The following PCDHA9 variants were observed in gnomAD, a reference collection of about 807,000 sequenced individuals.
PCDHA9 encodes protocadherin alpha 9, also known as protocadherin alpha-9.
Under a neutral mutation model 62.0 loss-of-function variants are expected in PCDHA9, and 62 were observed. The ratio of observed to expected loss-of-function variants is 1.00; its 90% CI spans 0.81 to 1.23. The LOEUF is 1.23. Among genes scored for constraint, PCDHA9 ranks in the 50% most tolerant of loss-of-function variants. The pLI, the probability that PCDHA9 is intolerant of heterozygous loss-of-function variation, is 0.00. For synonymous variants in PCDHA9, 557 were observed against 567.6 expected, an observed-to-expected ratio of 0.98 and a Z score of 0.27; for missense variants, 1,205 against 1,249.8, an observed-to-expected ratio of 0.96 and a Z score of 0.54.
chr5:140,914,427 T>C (rs2076707638), intron 1 of PCDHA9, among the ~76,000 whole-genome samples: 1 of 152,196 alleles, frequency 6.6e-6, no homozygotes, highest in African/African-American at 2.4e-5. Context: ...TAGCAAGGAA[T>C]ATCTTTTCCC....
At chr5:140,918,155 A>T (rs1453787502) in intron 1 of PCDHA9, among the ~76,000 whole-genome samples, 1 of 152,054 alleles carries the variant, frequency 6.6e-6, no homozygotes, top group Admixed American at 6.5e-5. Flanking sequence ...GTGTATGTCT[A>T]TTGTAAATGG....
intron 1 of PCDHA9, chr5:140,884,465 G>C (rs782791774): frequency 1.2e-6 from 2 of 1,613,634 alleles, no homozygotes; most frequent in Admixed American, 3.3e-5. Context: ...GGGCGCGTGC[G>C]CGCCGGGCAA....
intron 1 of PCDHA9, among the ~76,000 whole-genome samples, chr5:140,969,768 T>G (rs1250957386): frequency 1.3e-5 from 2 of 152,198 alleles, no homozygotes; most frequent in Admixed American, 1.3e-4. Context: ...CTCTGAGGCC[T>G]CTAGGGGCTA....
intron 1 of PCDHA9, chr5:140,857,941 T>C (rs1294613928): frequency 6.3e-7 from 1 of 1,597,330 alleles, no homozygotes; most frequent in Non-Finnish European, 8.6e-7. Flanking sequence ...GCGAGATCAG[T>C]ACGACGCGCG....
intron 1 of PCDHA9, among the ~76,000 whole-genome samples, chr5:140,895,298 C>A (rs1208960325): frequency 6.6e-6 from 1 of 151,928 alleles, no homozygotes; most frequent in Non-Finnish European, 1.5e-5. Context: ...CCTTCGATTT[C>A]CCCCCTTCCA....
At chr5:140,912,882 T>A (rs2153523481) in intron 1 of PCDHA9, among the ~76,000 whole-genome samples, 1 of 152,362 alleles carries the variant, frequency 6.6e-6, no homozygotes, top group South Asian at 2.1e-4. Context: ...TTGGTCTTCA[T>A]TCTGTTGATA....
intron 1 of PCDHA9, chr5:140,882,360 T>A: frequency 6.2e-7 from 1 of 1,614,134 alleles, no homozygotes. Context: ...AGTGGCCAGC[T>A]CCACTACTCC....
intron 3 of PCDHA9, among the ~76,000 whole-genome samples, chr5:141,005,688 C>T (rs1411519222): frequency 2.8e-5 from 3 of 107,694 alleles, no homozygotes; most frequent in African/African-American, 7.9e-5. Context: ...GGCGACAGAG[C>T]GAAACTCCGT....
At chr5:140,969,702 C>A (rs1305755991) in intron 1 of PCDHA9, among the ~76,000 whole-genome samples, 1 of 152,144 alleles carries the variant, frequency 6.6e-6, no homozygotes, top group African/African-American at 2.4e-5. Context: ...TCTGCTGTAT[C>A]ATCTACAGGG....
In PCDHA9 at chr5:140,848,481, GAC is replaced by G; in HGVS notation, c.-14_-13del. 6.4e-7 allele frequency: 1 copy of G among 1,570,506 alleles called. No individual in the cohort carries two copies. The highest frequency in any genetic ancestry group is 2.2e-5 in the East Asian group (1 of 44,662). On this transcript the variant is annotated 5_prime_UTR_variant, in exon 1 of 4. Coordinates refer to ENST00000532602, the MANE Select transcript of PCDHA9 (RefSeq NM_031857.2). The stretch of plus-strand genomic sequence containing the variant: ...AGGCAATTTTCACTAATTAGAAGAA[GAC>G]TGAGTATTTGAAATGTTATACTCAA...
chr5:140,949,521 T>C (rs2094388357), intron 1 of PCDHA9, among the ~76,000 whole-genome samples: 1 of 151,932 alleles, frequency 6.6e-6, no homozygotes, highest in East Asian at 1.9e-4. Flanking sequence ...TTGATCCTTT[T>C]ATCTTCATAA....
chr5:140,998,942 T>C (rs1435302179), intron 3 of PCDHA9, among the ~76,000 whole-genome samples: 4 of 152,222 alleles, frequency 2.6e-5, no homozygotes, highest in Non-Finnish European at 5.9e-5. Flanking sequence ...ATGAAGAAAC[T>C]GTAAGTCAAT....
At chr5:140,979,243 C>T (rs1554240401) in intron 2 of PCDHA9, among the ~76,000 whole-genome samples, 1 of 152,178 alleles carries the variant, frequency 6.6e-6, no homozygotes, top group Non-Finnish European at 1.5e-5. Context: ...CAGAAACAGG[C>T]TGCTATGTAT....
chr5:141,009,019 C>G (rs1160022658), intron 3 of PCDHA9, among the ~76,000 whole-genome samples: 2 of 152,232 alleles, frequency 1.3e-5, no homozygotes, highest in African/African-American at 4.8e-5. Flanking sequence ...CCTTTAGGCT[C>G]TGTATTTCCC....
chr5:140,984,505 TGATGCATGAGTCACA>T (rs2097106604), intron 3 of PCDHA9, among the ~76,000 whole-genome samples: 1 of 152,206 alleles, frequency 6.6e-6, no homozygotes, highest in African/African-American at 2.4e-5. Context: ...GCCTGGCTGC[TGATGCATGAGTCACA>T]GTCTTCATGG....
chr5:140,875,441 T>C (rs781902185), intron 1 of PCDHA9: 1 of 1,570,886 alleles, frequency 6.4e-7, no homozygotes, highest in Admixed American at 1.9e-5. Flanking sequence ...TTAAAACTGA[T>C]TGTCCCAACT....
At chr5:140,876,262 C>T (rs1554168436) in intron 1 of PCDHA9, 2 of 1,614,012 alleles carry the variant, frequency 1.2e-6, no homozygotes, top group South Asian at 2.2e-5. Context: ...AGTGATCCAA[C>T]TAAATGCTTC....
At position 140,883,293 on chromosome 5, in the gene PCDHA9, A is replaced by G. The variant is rs1324977852; in HGVS notation, c.2394+32404A>G. On this transcript the variant is annotated intron_variant, in intron 1 of 3. Coordinates refer to ENST00000532602, the MANE Select transcript of PCDHA9 (RefSeq NM_031857.2). ...TGTACCCTTTTGGTGGAAGTACTAGATGTAAATGATAACGCCCCAGAGGTT... is the reference window on the plus strand; with the variant it reads ...TGTACCCTTTTGGTGGAAGTACTAGGTGTAAATGATAACGCCCCAGAGGTT... 2 of 1,614,102 alleles carry G rather than the reference A, an allele frequency of 1.2e-6. No homozygotes were observed. Among genetic ancestry groups the G allele is most frequent in the Non-Finnish European group, 1.7e-6 (2 of 1,180,026 alleles).
intron 3 of PCDHA9, among the ~76,000 whole-genome samples, chr5:141,000,421 A>ATATAT (rs1265241806): frequency 3.6e-5 from 1 of 27,980 alleles, no homozygotes; most frequent in East Asian, 1.4e-3. Flanking sequence ...ATATATATAT[A>ATATAT]TTTTTTTTTT....
Sources: gnomAD v4.1 joint callset for allele counts (sites outside exome capture counted in the v4.1 genomes callset) on GRCh38, gnomAD v4.1.1 for gene constraint, MANE v1.5 for transcripts, NCBI Gene and HGNC (gene_info 2026-07-23, HGNC 2026-07-21) for gene names.